Variants in PDE4D observed in about 807,000 individuals in gnomAD.
PDE4D encodes phosphodiesterase 4D.
In PDE4D, 24 loss-of-function variants were observed where a neutral mutation model predicts 87.4. The ratio of observed to expected loss-of-function variants is 0.27; its 90% CI spans 0.20 to 0.39. The LOEUF (loss-of-function observed/expected upper bound fraction) is 0.39, where lower values mean the gene tolerates loss of function less well. Among genes scored for constraint, PDE4D ranks in the 10% least tolerant of loss-of-function variants. The probability of loss-of-function intolerance (pLI) is 1.00; values close to 1 mark genes in which losing one functional copy is unlikely to be tolerated. For synonymous variants in PDE4D, 384 were observed against 383.2 expected (o/e 1.00, Z -0.02); for missense variants, 714 against 1,041.0 (o/e 0.69, Z 4.32).
At chr5:59,450,929 T>C (rs1399364577) in intron 1 of PDE4D, among the ~76,000 whole-genome samples, 1 of 149,054 alleles carries the variant, frequency 6.7e-6, no homozygotes, top group Non-Finnish European at 1.5e-5. Context: ...TTTTTCACTG[T>C]ACAAAATAAG....
rs141315190 is a variant in PDE4D at position 59,505,301 on chromosome 5, C to T, written c.456-289333G>A. 1.0e-3 allele frequency among the ~76,000 whole-genome samples: 152 copies of T among 152,284 alleles called. No homozygotes were observed. The Middle Eastern group carries it at 0.01, about 10-fold the overall frequency. On this transcript the variant is annotated intron_variant, in intron 1 of 14. Transcript: ENST00000340635. ...AATTCTGAGTTGGCTCTGGCATCAACAGTCTTTCTAGAATTTGTTCAAACA... is the reference window on the plus strand; with the variant it reads ...AATTCTGAGTTGGCTCTGGCATCAATAGTCTTTCTAGAATTTGTTCAAACA...
At chr5:59,321,700 C>G (rs1023422154) in intron 1 of PDE4D, among the ~76,000 whole-genome samples, 1 of 152,124 alleles carries the variant, frequency 6.6e-6, no homozygotes, top group African/African-American at 2.4e-5. Flanking sequence ...TCCTGAGTCA[C>G]TGGTCACTGC....
intron 1 of PDE4D, among the ~76,000 whole-genome samples, chr5:60,204,109 G>T (rs1448203352): frequency 1.3e-5 from 2 of 152,144 alleles, no homozygotes; most frequent in African/African-American, 4.8e-5. Context: ...ATTGTTTAAG[G>T]GTAAGCAGGC....
chr5:59,131,881 G>A (rs1358718858), intron 5 of PDE4D, among the ~76,000 whole-genome samples: 2 of 152,116 alleles, frequency 1.3e-5, no homozygotes. Context: ...GGGAACCATT[G>A]ACTTAGCAGG....
chr5:60,376,458 C>T (rs955020140), intron 1 of PDE4D, among the ~76,000 whole-genome samples: 1 of 152,174 alleles, frequency 6.6e-6, no homozygotes, highest in Non-Finnish European at 1.5e-5. Flanking sequence ...GTTCCTGTAA[C>T]AGCCTCCTAC....
chr5:60,308,872 G>A (rs1041281909), intron 1 of PDE4D, among the ~76,000 whole-genome samples: 11 of 151,558 alleles, frequency 7.3e-5, no homozygotes, highest in Non-Finnish European at 5.9e-5. Context: ...CTTGCCCCCC[G>A]CCCACCACCA....
chr5:59,546,475 T>C (rs1477996842), intron 1 of PDE4D, among the ~76,000 whole-genome samples: 1 of 152,134 alleles, frequency 6.6e-6, no homozygotes, highest in Non-Finnish European at 1.5e-5. Flanking sequence ...ACGAAAAATA[T>C]GGAAAAGTCT....
chr5:60,338,247 T>C (rs1345887305), intron 1 of PDE4D, among the ~76,000 whole-genome samples: 1 of 152,072 alleles, frequency 6.6e-6, no homozygotes, highest in Non-Finnish European at 1.5e-5. Context: ...GTAGACTCCA[T>C]TGGAAGGACA....
intron 2 of PDE4D, among the ~76,000 whole-genome samples, chr5:60,113,652 G>A (rs977172711): frequency 3.9e-5 from 6 of 152,088 alleles, no homozygotes; most frequent in Non-Finnish European, 8.8e-5. Flanking sequence ...TTGTTCTCCT[G>A]ATAGAAGGTC....
chr5:60,505,730 G>A (rs1240180116), intron 1 of PDE4D, among the ~76,000 whole-genome samples: 1 of 152,208 alleles, frequency 6.6e-6, no homozygotes, highest in Non-Finnish European at 1.5e-5. Context: ...ACTTAAAAAT[G>A]TTCATCCTAT....
Position 59,048,349 on chromosome 5 carries a change from A to G in PDE4D, c.809-9378T>C, listed in dbSNP as rs1033078007. Among the ~76,000 whole-genome samples, 8 of 152,212 alleles carry G rather than the reference A, an allele frequency of 5.3e-5. No individual in the cohort carries two copies. In the East Asian group the frequency reaches 1.3e-3, roughly 26 times the overall value. The stretch of plus-strand genomic sequence containing the variant: ...TCTGTGTTTCCATCATATACTATCA[A>G]TCTTAGGATATAACAGTCTTTTGTT... On this transcript the variant is annotated intron_variant, in intron 5 of 14. Coordinates refer to ENST00000340635, the MANE Select transcript of PDE4D (RefSeq NM_001104631.2).
At chr5:59,969,339 G>A (rs1009433294) in intron 3 of PDE4D, among the ~76,000 whole-genome samples, 2 of 152,172 alleles carry the variant, frequency 1.3e-5, no homozygotes, top group Non-Finnish European at 2.9e-5. Context: ...TAGGAGGAAA[G>A]ATGGGAGAAG....
chr5:59,348,498 AC>A (rs1779968822), intron 1 of PDE4D, among the ~76,000 whole-genome samples: 1 of 152,096 alleles, frequency 6.6e-6, no homozygotes, highest in African/African-American at 2.4e-5. Context: ...ATAATCTTTT[AC>A]ATTCTGTTCT....
chr5:59,150,562 T>C (rs1166430652), intron 5 of PDE4D, among the ~76,000 whole-genome samples: 1 of 152,152 alleles, frequency 6.6e-6, no homozygotes, highest in African/African-American at 2.4e-5. Flanking sequence ...TTTTTGGTCA[T>C]CAATGTATCT....
At chr5:60,314,045 A>C (rs2149819396) in intron 1 of PDE4D, among the ~76,000 whole-genome samples, 1 of 152,322 alleles carries the variant, frequency 6.6e-6, no homozygotes, top group East Asian at 1.9e-4. Context: ...AGGATGCCAA[A>C]TATCACTACT....
At chr5:59,366,482 G>A (rs912739903) in intron 1 of PDE4D, among the ~76,000 whole-genome samples, 2 of 152,038 alleles carry the variant, frequency 1.3e-5, no homozygotes, top group African/African-American at 4.8e-5. Context: ...TTTATTCCAG[G>A]TTAGTCCTAG....
intron 11 of PDE4D, among the ~76,000 whole-genome samples, chr5:58,978,180 C>G (rs1377360069): frequency 2.6e-5 from 4 of 152,052 alleles, no homozygotes; most frequent in Non-Finnish European, 5.9e-5. Context: ...AAAGCAAATC[C>G]GAGGCAGGAG....
At chr5:59,198,779 T>C (rs974529233) in intron 2 of PDE4D, among the ~76,000 whole-genome samples, 1 of 152,206 alleles carries the variant, frequency 6.6e-6, no homozygotes, top group African/African-American at 2.4e-5. Context: ...CGTTATTTTC[T>C]ACCCTTTTTC....
At chr5:59,836,537 G>C (rs561477756) in intron 1 of PDE4D, among the ~76,000 whole-genome samples, 1 of 151,956 alleles carries the variant, frequency 6.6e-6, no homozygotes, top group African/African-American at 2.4e-5. Flanking sequence ...TGGATTGAAG[G>C]CTGAGCTCAG....
Sources: allele counts gnomAD v4.1 joint callset (sites outside exome capture counted in the v4.1 genomes callset), GRCh38; gene constraint gnomAD v4.1.1; transcripts MANE v1.5; gene names NCBI Gene and HGNC (gene_info 2026-07-23, HGNC 2026-07-21).